Variants in TERF1 observed in about 807,000 individuals in gnomAD.
TERF1 encodes the protein telomeric repeat-binding factor 1.
In TERF1, 20 loss-of-function variants were observed where a neutral mutation model predicts 55.1. The ratio of observed to expected loss-of-function variants is 0.36; its 90% CI spans 0.26 to 0.53. The LOEUF (loss-of-function observed/expected upper bound fraction) is 0.53. Among genes scored for constraint, TERF1 ranks in the 20% least tolerant of loss-of-function variants. TERF1 has a pLI of 0.91. For synonymous variants in TERF1, 168 were observed against 181.2 expected (o/e 0.93, Z 0.59); for missense variants, 439 against 535.7 (o/e 0.82, Z 1.78).
intron 2 of TERF1, among the ~76,000 whole-genome samples, chr8:73,016,815 C>T (rs1373132140): frequency 6.6e-6 from 1 of 152,150 alleles, no homozygotes; most frequent in Non-Finnish European, 1.5e-5. Flanking sequence ...GACGTGCCAG[C>T]CCCAAGGAAA....
At chr8:73,045,752 G>A (rs1447229279) in intron 9 of TERF1, among the ~76,000 whole-genome samples, 2 of 152,290 alleles carry the variant, frequency 1.3e-5, no homozygotes, top group African/African-American at 4.8e-5. Flanking sequence ...GGGCAGCTGA[G>A]CTTACATAAA....
At chr8:73,011,248 C>T (rs1808269471) in intron 1 of TERF1, 1 of 152,318 alleles carries the variant, frequency 6.6e-6, no homozygotes, top group South Asian at 2.1e-4. Context: ...GTTTCATCTA[C>T]AATGAAAATC....
intron 9 of TERF1, among the ~76,000 whole-genome samples, chr8:73,045,190 T>C (rs1290746335): frequency 6.6e-6 from 1 of 152,202 alleles, no homozygotes; most frequent in East Asian, 1.9e-4. Context: ...CCAACACTTA[T>C]TTTGTGTTTT....
intron 9 of TERF1, among the ~76,000 whole-genome samples, chr8:73,042,388 G>A (rs947621855): frequency 6.6e-6 from 1 of 151,696 alleles, no homozygotes; most frequent in Non-Finnish European, 1.5e-5. Context: ...TTAGCTTTCC[G>A]TTGTTGGCCT....
intron 6 of TERF1, among the ~76,000 whole-genome samples, chr8:73,028,199 A>G (rs992124969): frequency 2.0e-5 from 3 of 152,130 alleles, no homozygotes; most frequent in African/African-American, 7.2e-5. Flanking sequence ...CACACTTCCT[A>G]TGGACTCTCC....
chr8:73,031,971 A>G (rs1809304575), intron 7 of TERF1, 71 bp from the exon 8 acceptor site: 5 of 1,069,190 alleles, frequency 4.7e-6, no homozygotes, highest in Non-Finnish European at 7.0e-6. Context: ...ATTAAGGCAA[A>G]TCATTTACCT....
At chr8:73,045,587 A>G (rs1809998055) in intron 9 of TERF1, among the ~76,000 whole-genome samples, 1 of 152,170 alleles carries the variant, frequency 6.6e-6, no homozygotes, top group South Asian at 2.1e-4. Context: ...TCATTAGTGA[A>G]CTACTAAACA....
At chr8:73,012,226 T>C (rs1286495387) in intron 1 of TERF1, 1 of 152,216 alleles carries the variant, frequency 6.6e-6, no homozygotes, top group Non-Finnish European at 1.5e-5. Context: ...GGAATAAGTT[T>C]GTGTCTTATG....
intron 4 of TERF1, among the ~76,000 whole-genome samples, chr8:73,023,247 G>C (rs984027511): frequency 6.6e-6 from 1 of 152,178 alleles, no homozygotes; most frequent in Admixed American, 6.5e-5. Flanking sequence ...AGTTATGTCA[G>C]TTCCTCCAGT....
intron 1 of TERF1, chr8:73,010,313 T>G (rs1808232417): frequency 6.6e-6 from 1 of 152,138 alleles, no homozygotes; most frequent in Non-Finnish European, 1.5e-5. Flanking sequence ...GGATCTTTCC[T>G]CTGTATTGCG....
At chr8:73,028,862 A>C (rs1052633209) in intron 6 of TERF1, among the ~76,000 whole-genome samples, 1 of 152,138 alleles carries the variant, frequency 6.6e-6, no homozygotes, top group Non-Finnish European at 1.5e-5. Context: ...TGTTTACCTG[A>C]TTCTTTCAAT....
intron 4 of TERF1, among the ~76,000 whole-genome samples, chr8:73,022,908 A>G (rs1273012619): frequency 6.6e-6 from 1 of 152,168 alleles, no homozygotes; most frequent in Non-Finnish European, 1.5e-5. Context: ...CTCCAGCCTA[A>G]GCAACAGAGA....
chr8:73,035,897 G>C (rs1461219020), intron 8 of TERF1, among the ~76,000 whole-genome samples: 2 of 152,114 alleles, frequency 1.3e-5, no homozygotes, highest in African/African-American at 4.8e-5. Flanking sequence ...GTTCCATATT[G>C]TCAGGGAAAA....
intron 8 of TERF1, among the ~76,000 whole-genome samples, chr8:73,034,551 C>A (rs1194197981): frequency 1.3e-5 from 2 of 152,128 alleles, no homozygotes; most frequent in Non-Finnish European, 2.9e-5. Context: ...AGCCACTGCT[C>A]CCAGCCCTAA....
intron 2 of TERF1, 62 bp downstream of exon 2, chr8:73,014,052 G>A (rs917157368): frequency 4.3e-6 from 6 of 1,394,342 alleles, no homozygotes; most frequent in African/African-American, 1.4e-5. Context: ...GTAAGACAAT[G>A]GGAAGAAACA....
chr8:73,015,715 T>C (rs1808475102), intron 2 of TERF1, among the ~76,000 whole-genome samples: 1 of 152,000 alleles, frequency 6.6e-6, no homozygotes, highest in African/African-American at 2.4e-5. Flanking sequence ...TAACCACGTG[T>C]GGTCCTCTGG....
At chr8:73,012,293 C>T (rs1808309256) in intron 1 of TERF1, 1 of 152,112 alleles carries the variant, frequency 6.6e-6, no homozygotes, top group Admixed American at 6.5e-5. Context: ...GATTATTGAT[C>T]ACAGACCACC....
At chr8:73,034,508 G>C (rs984614127) in intron 8 of TERF1, among the ~76,000 whole-genome samples, 1 of 152,052 alleles carries the variant, frequency 6.6e-6, no homozygotes, top group African/African-American at 2.4e-5. Context: ...CAAGCAATCT[G>C]CTTGCTGTAA....
intron 3 of TERF1, 148 bp downstream of exon 3, chr8:73,020,953 A>G (rs1037273466): frequency 4.0e-5 from 24 of 593,496 alleles, no homozygotes; most frequent in Non-Finnish European, 6.4e-5. Flanking sequence ...TAGTCTTAAC[A>G]TGAGCACTGG....
Sources: allele counts gnomAD v4.1 joint callset (sites outside exome capture counted in the v4.1 genomes callset), GRCh38; gene constraint gnomAD v4.1.1; transcripts MANE v1.5; gene names NCBI Gene and HGNC (gene_info 2026-07-23, HGNC 2026-07-21).